Variants in HDAC9 observed in about 807,000 individuals in gnomAD.
HDAC9 encodes the protein MEF-2 interacting transcription repressor (MITR) protein.
A neutral mutation model predicts 139.4 loss-of-function variants in HDAC9; 41 were observed. That is an observed-to-expected ratio of 0.29 (90% CI 0.23 to 0.38). HDAC9 has a LOEUF of 0.38. Among genes scored for constraint, HDAC9 ranks in the 10% least tolerant of loss-of-function variants. The probability of loss-of-function intolerance (pLI) is 1.00; values close to 1 mark genes in which losing one functional copy is unlikely to be tolerated. For missense variants in HDAC9, 1,147 were observed against 1,297.0 expected (o/e 0.88, Z 1.78); for synonymous variants, 517 against 476.2 (o/e 1.09, Z -1.12).
intron 1 of HDAC9, among the ~76,000 whole-genome samples, chr7:18,146,063 G>A (rs1786299105): frequency 6.6e-6 from 1 of 152,132 alleles, no homozygotes; most frequent in Admixed American, 6.5e-5. Context: ...AAAGGAAACA[G>A]AAGAAAAAGA....
At chr7:18,567,507 CT>C (rs1046239420) in intron 2 of HDAC9, among the ~76,000 whole-genome samples, 1 of 152,110 alleles carries the variant, frequency 6.6e-6, no homozygotes, top group Non-Finnish European at 1.5e-5. Flanking sequence ...TCTCTAGCTA[CT>C]GAATATTCTA....
In HDAC9 at chr7:18,252,291, A is replaced by G. The variant is rs796365860; in HGVS notation, c.25+89942A>G. On this transcript the variant is annotated intron_variant, in intron 2 of 12. Transcript: ENST00000417496. ...ACTGGTTCCAGGAATGGCCTGGAGA[A>G]CTACAGGCAGATTGTCTGAAAGCAG... Among the ~76,000 whole-genome samples, 7 of 152,328 alleles carry G rather than the reference A, an allele frequency of 4.6e-5. No individual in the cohort carries two copies. In the East Asian group the frequency reaches 9.6e-4, roughly 21 times the overall value.
intron 2 of HDAC9, among the ~76,000 whole-genome samples, chr7:18,550,451 G>A (rs964291641): frequency 5.9e-5 from 9 of 152,142 alleles, no homozygotes; most frequent in Non-Finnish European, 1.3e-4. Flanking sequence ...CAACACAACA[G>A]ATAAAAAAAT....
chr7:18,153,297 C>A (rs376571985), intron 1 of HDAC9, among the ~76,000 whole-genome samples: 1 of 152,048 alleles, frequency 6.6e-6, no homozygotes, highest in Non-Finnish European at 1.5e-5. Context: ...GTACACTCCA[C>A]GGGGTGGGAG....
At chr7:18,126,383 A>T (rs1055016361) in intron 1 of HDAC9, among the ~76,000 whole-genome samples, 2 of 152,276 alleles carry the variant, frequency 1.3e-5, no homozygotes, top group African/African-American at 4.8e-5. Context: ...TTTCTGAGTC[A>T]GACAGGCAAG....
chr7:18,590,276 C>A, intron 3 of HDAC9, 60 bp from the exon 4 acceptor site: 4 of 1,554,438 alleles, frequency 2.6e-6, no homozygotes, highest in South Asian at 1.2e-5. Context: ...CAGTTTTGGT[C>A]AGTGATGACT....
chr7:18,283,122 A>G (rs1212643931), intron 2 of HDAC9, among the ~76,000 whole-genome samples: 1 of 152,072 alleles, frequency 6.6e-6, no homozygotes, highest in Non-Finnish European at 1.5e-5. Context: ...CAATTTAGGA[A>G]GAAAAGAGGT....
intron 22 of HDAC9, among the ~76,000 whole-genome samples, chr7:18,887,511 A>C (rs1230885204): frequency 6.6e-6 from 1 of 152,230 alleles, no homozygotes; most frequent in Admixed American, 6.5e-5. Context: ...CTTTGGCTAA[A>C]TATAGGGCCA....
At chr7:18,253,810 A>C (rs1406306214) in intron 2 of HDAC9, among the ~76,000 whole-genome samples, 3 of 152,302 alleles carry the variant, frequency 2.0e-5, no homozygotes, top group Non-Finnish European at 4.4e-5. Flanking sequence ...TTTGGCCTGG[A>C]AACAAGGGAG....
chr7:18,184,658 T>C (rs987125182), intron 2 of HDAC9, among the ~76,000 whole-genome samples: 3 of 152,248 alleles, frequency 2.0e-5, no homozygotes, highest in African/African-American at 7.2e-5. Flanking sequence ...AAAATAGGTA[T>C]ATTCAACTTA....
chr7:18,409,587 A>G (rs80275354), intron 1 of HDAC9, among the ~76,000 whole-genome samples: 1,622 of 152,232 alleles, frequency 0.011, 34 homozygotes, highest in African/African-American at 0.037. Flanking sequence ...AATACTGTAA[A>G]TCTGTCATTT....
intron 2 of HDAC9, among the ~76,000 whole-genome samples, chr7:18,177,475 C>T (rs1199973965): frequency 6.6e-6 from 1 of 152,178 alleles, no homozygotes; most frequent in Non-Finnish European, 1.5e-5. Flanking sequence ...ATGAACCCCA[C>T]TCTGTTCAAC....
chr7:18,554,409 C>T (rs1818140633), intron 2 of HDAC9, among the ~76,000 whole-genome samples: 1 of 143,246 alleles, frequency 7.0e-6, no homozygotes, highest in Non-Finnish European at 1.5e-5. Flanking sequence ...GATCTCGGCT[C>T]ACTGCAAGCT....
At chr7:18,893,220 C>T (rs910776236) in intron 22 of HDAC9, among the ~76,000 whole-genome samples, 1 of 152,020 alleles carries the variant, frequency 6.6e-6, no homozygotes, top group Non-Finnish European at 1.5e-5. Context: ...CCGTAAGCTA[C>T]AGGGAGATCT....
At chr7:18,480,349 C>T (rs1034910363) in intron 1 of HDAC9, among the ~76,000 whole-genome samples, 4 of 152,226 alleles carry the variant, frequency 2.6e-5, no homozygotes, top group Non-Finnish European at 2.9e-5. Flanking sequence ...CTAGCACCAC[C>T]CTGCCTCTAA....
At chr7:18,301,117 T>C (rs1404394235) in intron 1 of HDAC9, among the ~76,000 whole-genome samples, 2 of 152,188 alleles carry the variant, frequency 1.3e-5, no homozygotes, top group Non-Finnish European at 2.9e-5. Context: ...AAAAGGTTTA[T>C]TGCAAATGTA....
At chr7:18,888,144 G>A (rs928989045) in intron 22 of HDAC9, among the ~76,000 whole-genome samples, 2 of 152,180 alleles carry the variant, frequency 1.3e-5, no homozygotes, top group Middle Eastern at 3.4e-3. Context: ...TCACTGGGCC[G>A]GGTGCGGTGG....
chr7:18,255,626 CTTTTTTT>C (rs11386457), intron 2 of HDAC9, among the ~76,000 whole-genome samples: 7 of 113,608 alleles, frequency 6.2e-5, no homozygotes, highest in African/African-American at 1.7e-4. Context: ...TTTTTCTTTC[CTTTTTTT>C]TTTTTTTTTT....
At chr7:18,111,173 T>C (rs1201676434) in intron 1 of HDAC9, among the ~76,000 whole-genome samples, 4 of 152,170 alleles carry the variant, frequency 2.6e-5, no homozygotes, top group East Asian at 3.8e-4. Flanking sequence ...ACGTAAATAA[T>C]TACCCAACTA....
Sources: allele counts gnomAD v4.1 joint callset (sites outside exome capture counted in the v4.1 genomes callset), GRCh38; gene constraint gnomAD v4.1.1; transcripts MANE v1.5; gene names NCBI Gene and HGNC (gene_info 2026-07-23, HGNC 2026-07-21).